NLGN1: variants seen among roughly 807,000 people sequenced by gnomAD.
The protein encoded by NLGN1 is neuroligin 1.
Under a neutral mutation model 65.5 loss-of-function variants are expected in NLGN1, and 12 were observed. The observed-to-expected ratio is 0.18, with a 90% CI of 0.12 to 0.30. NLGN1 has a LOEUF of 0.30. Among genes scored for constraint, NLGN1 ranks in the 10% least tolerant of loss-of-function variants. The pLI is 1.00. For synonymous variants in NLGN1, 350 were observed against 359.5 expected (o/e 0.97, Z 0.30); for missense variants, 750 against 1,007.1 (o/e 0.74, Z 3.46).
At chr3:173,939,561 C>T (rs1745637837) in intron 4 of NLGN1, among the ~76,000 whole-genome samples, 1 of 152,136 alleles carries the variant, frequency 6.6e-6, no homozygotes, top group South Asian at 2.1e-4. Context: ...CCCTTTGTGA[C>T]AGTCTGTATA....
At chr3:173,486,278 T>C (rs369164876) in intron 2 of NLGN1, among the ~76,000 whole-genome samples, 1 of 152,110 alleles carries the variant, frequency 6.6e-6, no homozygotes, top group Non-Finnish European at 1.5e-5. Flanking sequence ...GCTAGGCTGG[T>C]CTCGAACTCC....
intron 4 of NLGN1, among the ~76,000 whole-genome samples, chr3:174,113,905 T>TA (rs1436418719): frequency 1.3e-5 from 2 of 152,132 alleles, no homozygotes; most frequent in African/African-American, 4.8e-5. Flanking sequence ...TTTTTATAGT[T>TA]ACGACGGAAA....
chr3:173,915,143 C>T (rs1004361281), intron 4 of NLGN1, among the ~76,000 whole-genome samples: 6 of 152,224 alleles, frequency 3.9e-5, no homozygotes, highest in Non-Finnish European at 7.3e-5. Flanking sequence ...GCTACGCTGA[C>T]TCTATTTCAT....
At chr3:173,479,081 T>C (rs531579634) in intron 2 of NLGN1, among the ~76,000 whole-genome samples, 22 of 152,066 alleles carry the variant, frequency 1.4e-4, no homozygotes, top group Non-Finnish European at 2.9e-4. Context: ...AAACAGGATA[T>C]ACTATAAAAG....
At chr3:173,823,783 C>T (rs993449326) in intron 4 of NLGN1, among the ~76,000 whole-genome samples, 22 of 151,860 alleles carry the variant, frequency 1.4e-4, no homozygotes, top group African/African-American at 4.8e-4. Flanking sequence ...ATATTTGCAA[C>T]AAGAACCCTC....
chr3:173,750,986 A>G (rs1455575950), intron 3 of NLGN1, among the ~76,000 whole-genome samples: 1 of 152,102 alleles, frequency 6.6e-6, no homozygotes, highest in Admixed American at 6.6e-5. Context: ...AAAAACTCAC[A>G]TTAAACTATT....
At chr3:173,855,799 A>G (rs1047404325) in intron 4 of NLGN1, among the ~76,000 whole-genome samples, 2 of 152,148 alleles carry the variant, frequency 1.3e-5, no homozygotes, top group Admixed American at 1.3e-4. Context: ...GCGATATCAC[A>G]ATTCAACTCT....
At chr3:173,976,186 A>G (rs140435619) in intron 4 of NLGN1, among the ~76,000 whole-genome samples, 36 of 152,182 alleles carry the variant, frequency 2.4e-4, no homozygotes, top group Non-Finnish European at 5.0e-4. Flanking sequence ...AAAAATGTCC[A>G]TTTAAACTAC....
chr3:174,049,456 A>G (rs1383199133), intron 4 of NLGN1, among the ~76,000 whole-genome samples: 1 of 152,002 alleles, frequency 6.6e-6, no homozygotes, highest in African/African-American at 2.4e-5. Flanking sequence ...TCATTACACC[A>G]TGGCAATAGT....
chr3:173,468,573 A>G (rs1724773003), intron 2 of NLGN1, among the ~76,000 whole-genome samples: 1 of 152,124 alleles, frequency 6.6e-6, no homozygotes, highest in African/African-American at 2.4e-5. Flanking sequence ...ATTACCTAAA[A>G]AAGAAAAAAA....
At chr3:174,079,805 T>C (rs1456943447) in intron 4 of NLGN1, among the ~76,000 whole-genome samples, 1 of 152,160 alleles carries the variant, frequency 6.6e-6, no homozygotes, top group Non-Finnish European at 1.5e-5. Flanking sequence ...AAATAGTGCA[T>C]GTTCTCACTT....
At chr3:173,568,229 CT>C (rs370181625) in intron 2 of NLGN1, among the ~76,000 whole-genome samples, 1 of 134,186 alleles carries the variant, frequency 7.5e-6, no homozygotes, top group Non-Finnish European at 1.6e-5. Context: ...CTTTCCTTTC[CT>C]TTTCCTTTTC....
At chr3:173,401,544 C>CT (rs1482321143) in intron 1 of NLGN1, among the ~76,000 whole-genome samples, 4 of 151,174 alleles carry the variant, frequency 2.6e-5, no homozygotes, top group South Asian at 2.1e-4. Flanking sequence ...AGCATTGTGT[C>CT]TTTTTTTATG....
chr3:174,284,919 C>G (rs923127879), exon 7 of NLGN1: 2 of 151,232 alleles, frequency 1.3e-5, no homozygotes, highest in African/African-American at 2.4e-5. Context: ...AAAACAGCAA[C>G]ATTTTTTTAA....
At chr3:173,503,486 A>G (rs1383591948) in intron 2 of NLGN1, among the ~76,000 whole-genome samples, 1 of 152,142 alleles carries the variant, frequency 6.6e-6, no homozygotes. Context: ...GATAATTTAT[A>G]AAAACGAAGT....
intron 4 of NLGN1, among the ~76,000 whole-genome samples, chr3:174,061,398 C>T (rs1737383143): frequency 6.6e-6 from 1 of 152,246 alleles, no homozygotes; most frequent in African/African-American, 2.4e-5. Flanking sequence ...AAAGTCATTA[C>T]ACTCAGAGGA....
At chr3:173,545,191 C>G (rs1309260562) in intron 2 of NLGN1, among the ~76,000 whole-genome samples, 1 of 152,142 alleles carries the variant, frequency 6.6e-6, no homozygotes, top group East Asian at 1.9e-4. Context: ...TCTCCTGCCT[C>G]AACCTCCCAA....
chr3:173,555,758 A>G (rs1040422613), intron 2 of NLGN1, among the ~76,000 whole-genome samples: 4 of 152,212 alleles, frequency 2.6e-5, no homozygotes, highest in Admixed American at 6.5e-5. Context: ...CTGGGATTAC[A>G]GGCGTGAGCA....
chr3:173,824,357 A>G (rs1182533571), intron 4 of NLGN1, among the ~76,000 whole-genome samples: 3 of 152,168 alleles, frequency 2.0e-5, no homozygotes, highest in Non-Finnish European at 4.4e-5. Flanking sequence ...CCTTTGAACC[A>G]CTTGCTCCAT....
Sources: gnomAD v4.1 joint callset for allele counts (sites outside exome capture counted in the v4.1 genomes callset) on GRCh38, gnomAD v4.1.1 for gene constraint, MANE v1.5 for transcripts, NCBI Gene and HGNC (gene_info 2026-07-23, HGNC 2026-07-21) for gene names.